Variants in LRIG1 observed in about 807,000 individuals in gnomAD.
The protein encoded by LRIG1 is leucine rich repeats and immunoglobulin like domains 1.
In LRIG1, 48 loss-of-function variants were observed where a neutral mutation model predicts 99.2. The ratio of observed to expected loss-of-function variants is 0.48; its 90% CI spans 0.38 to 0.62. LRIG1 has a LOEUF of 0.62. LRIG1 is among the 20% of genes least tolerant of loss of function. The pLI, the probability that LRIG1 is intolerant of heterozygous loss-of-function variation, is 0.00. For synonymous variants in LRIG1, 772 were observed against 596.1 expected, an observed-to-expected ratio of 1.29 and a Z score of -4.30; for missense variants, 1,646 against 1,434.4, an observed-to-expected ratio of 1.15 and a Z score of -2.38.
At chr3:66,382,957 G>A (rs1247002035) in intron 15 of LRIG1, 25 bp downstream of exon 15, 2 of 1,571,390 alleles carry the variant, frequency 1.3e-6, no homozygotes, top group East Asian at 4.5e-5. Flanking sequence ...CTCCTTGAAA[G>A]TCAGCTCCGC....
intron 1 of LRIG1, among the ~76,000 whole-genome samples, chr3:66,497,734 C>T (rs1024729836): frequency 7.0e-6 from 1 of 143,540 alleles, no homozygotes; most frequent in Non-Finnish European, 1.5e-5. Flanking sequence ...AAAAAGGTCC[C>T]ATAAAGCCAC....
chr3:66,389,443 T>C (rs1196617737), intron 12 of LRIG1, among the ~76,000 whole-genome samples: 2 of 152,076 alleles, frequency 1.3e-5, no homozygotes, highest in African/African-American at 4.8e-5. Flanking sequence ...TAAAAAAAAC[T>C]ATGATCCAGC....
In LRIG1 at chr3:66,466,011, A is replaced by T. The variant is rs913340096; in HGVS notation, c.219-3502T>A. 2.0e-5 allele frequency among the ~76,000 whole-genome samples: 3 copies of T among 152,158 alleles called. No homozygotes were observed. In the South Asian group the frequency reaches 6.2e-4, roughly 31 times the overall value. ...ACTTAACATAATGTCTTCAAGATTC[A>T]TCCATGTTGTCACATGTGTCAGAAT... On this transcript the variant is annotated intron_variant, in intron 1 of 18. Coordinates refer to ENST00000273261, the MANE Select transcript of LRIG1 (RefSeq NM_015541.3).
At chr3:66,433,959 T>G (rs1703259657) in intron 3 of LRIG1, among the ~76,000 whole-genome samples, 1 of 152,192 alleles carries the variant, frequency 6.6e-6, no homozygotes, top group Non-Finnish European at 1.5e-5. Context: ...CATCATGAAC[T>G]TACATGCAAA....
At chr3:66,486,942 A>T (rs1700988089) in intron 1 of LRIG1, among the ~76,000 whole-genome samples, 1 of 152,216 alleles carries the variant, frequency 6.6e-6, no homozygotes, top group Admixed American at 6.5e-5. Flanking sequence ...CAAATAGAGG[A>T]AAAACTTGGA....
At chr3:66,400,138 T>G (rs1702002015) in intron 9 of LRIG1, among the ~76,000 whole-genome samples, 1 of 152,226 alleles carries the variant, frequency 6.6e-6, no homozygotes, top group African/African-American at 2.4e-5. Context: ...GATCCCAGCC[T>G]TAGCAGTAAC....
intron 1 of LRIG1, among the ~76,000 whole-genome samples, chr3:66,499,259 C>T (rs1386175018): frequency 6.6e-6 from 1 of 152,172 alleles, no homozygotes; most frequent in African/African-American, 2.4e-5. Context: ...AAGTGTCCCA[C>T]TAAGTCCTAA....
chr3:66,489,525 ATGTGTGTGTG>A (rs56128311), intron 1 of LRIG1, among the ~76,000 whole-genome samples: 235 of 150,372 alleles, frequency 1.6e-3, no homozygotes, highest in African/African-American at 4.4e-3. Flanking sequence ...CTTTGTGTGT[ATGTGTGTGTG>A]TGTGTGTGTG....
At chr3:66,485,494 A>G (rs1700951664) in intron 1 of LRIG1, among the ~76,000 whole-genome samples, 1 of 152,206 alleles carries the variant, frequency 6.6e-6, no homozygotes. Flanking sequence ...TGACTCGCCC[A>G]TCTTTTAGAT....
intron 3 of LRIG1, among the ~76,000 whole-genome samples, chr3:66,434,251 G>A (rs1256518191): frequency 6.6e-6 from 1 of 151,952 alleles, no homozygotes; most frequent in Admixed American, 6.5e-5. Flanking sequence ...AAACTCAAGA[G>A]CAAAACAACA....
chr3:66,470,040 A>C (rs1415958988), intron 1 of LRIG1, among the ~76,000 whole-genome samples: 1 of 152,212 alleles, frequency 6.6e-6, no homozygotes, highest in Non-Finnish European at 1.5e-5. Flanking sequence ...CTGCAGGGAA[A>C]CTTGCTTGTT....
At chr3:66,384,327 G>A in intron 13 of LRIG1, 55 bp from the exon 14 acceptor site, 1 of 1,557,154 alleles carries the variant, frequency 6.4e-7, no homozygotes, top group Non-Finnish European at 8.8e-7. Context: ...TGCAAAACCA[G>A]GAAGTCCTCT....
At chr3:66,435,134 T>C (rs1014230813) in intron 3 of LRIG1, among the ~76,000 whole-genome samples, 1 of 152,152 alleles carries the variant, frequency 6.6e-6, no homozygotes, top group Non-Finnish European at 1.5e-5. Flanking sequence ...ACACATACAA[T>C]AACCTAGATG....
chr3:66,405,250 T>C lies in LRIG1; in HGVS notation c.1108A>G (p.Thr370Ala), dbSNP rs1178204339. The C allele has an allele frequency of 6.2e-7, 1 of 1,614,046 alleles. No homozygotes were observed. Among genetic ancestry groups the C allele is most frequent in the African/African-American group, 1.3e-5 (1 of 74,948 alleles). ...AAGGCGCCGCTCGTGTCCTCTATTG[T>C]GCCCGAAATCTCGTTATGGTCCAGA... ...LDLDHNEISG[T>A]IEDTSGAFSG... Residue 370 changes from threonine (T) to alanine (A), a missense_variant, in exon 9 of 19, where the codon ACA (threonine) becomes GCA (alanine). Coordinates refer to ENST00000273261, the MANE Select transcript of LRIG1 (RefSeq NM_015541.3).
chr3:66,382,150 C>G (rs992124840), intron 16 of LRIG1, 123 bp downstream of exon 16: 2 of 1,130,440 alleles, frequency 1.8e-6, no homozygotes, highest in African/African-American at 1.5e-5. Flanking sequence ...ATACCGCCTT[C>G]TACTTCACCA....
At chr3:66,464,761 A>G (rs1471963492) in intron 1 of LRIG1, among the ~76,000 whole-genome samples, 1 of 152,218 alleles carries the variant, frequency 6.6e-6, no homozygotes, top group East Asian at 1.9e-4. Context: ...GCAAGTATCC[A>G]AAGTCTTCAG....
At chr3:66,397,370 G>A (rs1701891010) in intron 11 of LRIG1, among the ~76,000 whole-genome samples, 1 of 150,460 alleles carries the variant, frequency 6.6e-6, no homozygotes, top group African/African-American at 2.5e-5. Context: ...AGCACTTCTA[G>A]GAACCAAAAG....
At chr3:66,443,564 T>A (rs1703618943) in intron 3 of LRIG1, among the ~76,000 whole-genome samples, 1 of 152,178 alleles carries the variant, frequency 6.6e-6, no homozygotes, top group Admixed American at 6.5e-5. Flanking sequence ...TGTCACTTCA[T>A]CTGGGAAACT....
intron 17 of LRIG1, 119 bp from the exon 18 acceptor site, chr3:66,380,980 A>G: frequency 1.0e-6 from 1 of 957,430 alleles, no homozygotes. Context: ...CAAACACTGT[A>G]TGCATGCTTC....
Sources: gnomAD v4.1 joint callset for allele counts (sites outside exome capture counted in the v4.1 genomes callset) on GRCh38, gnomAD v4.1.1 for gene constraint, MANE v1.5 for transcripts, NCBI Gene and HGNC (gene_info 2026-07-23, HGNC 2026-07-21) for gene names.